GRM7: variants seen among roughly 807,000 people sequenced by gnomAD.
GRM7 encodes glutamate metabotropic receptor 7, also known as metabotropic glutamate receptor 7.
In GRM7, 35 loss-of-function variants were observed where a neutral mutation model predicts 84.5. The ratio of observed to expected loss-of-function variants is 0.41; its 90% CI spans 0.32 to 0.55. GRM7 has a LOEUF of 0.55. Ranked by LOEUF, GRM7 falls within the 20% of genes least tolerant of loss-of-function variation. The pLI is 0.19. For synonymous variants in GRM7, 487 were observed against 455.1 expected (o/e 1.07, Z -0.89); for missense variants, 1,003 against 1,194.6 (o/e 0.84, Z 2.36).
intron 8 of GRM7, among the ~76,000 whole-genome samples, chr3:7,602,611 C>T (rs1378714310): frequency 6.6e-6 from 1 of 152,132 alleles, no homozygotes; most frequent in East Asian, 1.9e-4. Context: ...ATTAGCCTTC[C>T]ATTGATTTCC....
chr3:7,543,293 A>G (rs1692985941), intron 7 of GRM7, among the ~76,000 whole-genome samples: 2 of 152,218 alleles, frequency 1.3e-5, no homozygotes, highest in Admixed American at 1.3e-4. Context: ...CACAGTACCA[A>G]TTTGGCTCAG....
chr3:7,723,719 G>A lies in GRM7; in HGVS notation c.2699-16638G>A, dbSNP rs148139848. Among the ~76,000 whole-genome samples the A allele has an allele frequency of 7.9e-5, 12 of 152,076 alleles. No individual in the cohort carries two copies. The South Asian group carries it at 1.3e-3, about 16-fold the overall frequency. Reference sequence around the variant, plus strand: ...TTAAAAATGAGTCAGGCATGGTGGCGTGCACCTGTAGTCCCAGCTATTTGG... The same window carrying A: ...TTAAAAATGAGTCAGGCATGGTGGCATGCACCTGTAGTCCCAGCTATTTGG... On this transcript the variant is annotated intron_variant, in intron 9 of 9. Transcript: ENST00000357716.
intron 1 of GRM7, among the ~76,000 whole-genome samples, chr3:7,053,125 G>T (rs1261354211): frequency 3.4e-5 from 5 of 146,576 alleles, no homozygotes; most frequent in Middle Eastern, 3.7e-3. Context: ...ATATTTCATT[G>T]TCATTTTAAT....
chr3:7,124,521 G>A (rs1693334159), intron 1 of GRM7, among the ~76,000 whole-genome samples: 2 of 152,042 alleles, frequency 1.3e-5, no homozygotes, highest in Admixed American at 6.6e-5. Context: ...TCACTTAGGT[G>A]GTGGGGATGA....
chr3:7,167,837 CA>C (rs1391103386), intron 2 of GRM7, among the ~76,000 whole-genome samples: 1 of 151,838 alleles, frequency 6.6e-6, no homozygotes, highest in Non-Finnish European at 1.5e-5. Flanking sequence ...GGCGTGGTGG[CA>C]GGCACCTGTA....
In GRM7 at chr3:7,691,368, GCTAT is replaced by G. The variant is rs1416332604; in HGVS notation, c.2698+11076_2698+11079del. ...AAGTATTGGTTATAACCTGGCATGT[GCTAT>G]CTTTTTCTCTGGTCAAGAAAAAGAA... On this transcript the variant is annotated intron_variant, in intron 9 of 9. Coordinates refer to ENST00000357716, the MANE Select transcript of GRM7 (RefSeq NM_000844.4). 4 of 698,640 alleles carry G rather than the reference GCTAT, an allele frequency of 5.7e-6. No homozygotes were observed. In the East Asian group the frequency reaches 2.1e-4, roughly 37 times the overall value. The allele number at this position is 698,640 out of a possible 1,614,324, so 43.3% of individuals were successfully genotyped here.
At chr3:6,911,157 G>C (rs1696755486) in intron 1 of GRM7, among the ~76,000 whole-genome samples, 1 of 152,094 alleles carries the variant, frequency 6.6e-6, no homozygotes, top group Non-Finnish European at 1.5e-5. Context: ...TTATGAGAAA[G>C]TACCTTCTAT....
chr3:7,438,216 A>G (rs73810650), intron 5 of GRM7, among the ~76,000 whole-genome samples: 174 of 152,112 alleles, frequency 1.1e-3, no homozygotes, highest in African/African-American at 4.1e-3. Context: ...ACATTGTGAG[A>G]CCAGTGAGGA....
At chr3:7,669,747 G>A (rs1423191512) in intron 8 of GRM7, among the ~76,000 whole-genome samples, 1 of 152,146 alleles carries the variant, frequency 6.6e-6, no homozygotes, top group Non-Finnish European at 1.5e-5. Context: ...AATGGGTCTT[G>A]GGAAGGCAAG....
At chr3:7,104,259 T>C (rs1419558771) in intron 1 of GRM7, among the ~76,000 whole-genome samples, 2 of 151,618 alleles carry the variant, frequency 1.3e-5, no homozygotes, top group African/African-American at 4.8e-5. Flanking sequence ...CTGCTCTCTT[T>C]TATGTGAGGA....
At chr3:7,439,312 T>G (rs1297785936) in intron 5 of GRM7, among the ~76,000 whole-genome samples, 1 of 152,198 alleles carries the variant, frequency 6.6e-6, no homozygotes, top group Non-Finnish European at 1.5e-5. Context: ...ATTTACTGTC[T>G]GGAATCAAAG....
At position 6,861,625 on chromosome 3, in the gene GRM7, G is replaced by T; in HGVS notation, c.237G>T (p.Leu79=). 1 of 1,613,442 alleles carries T rather than the reference G, an allele frequency of 6.2e-7. No homozygotes were observed. Among genetic ancestry groups the T allele is most frequent in the Non-Finnish European group, 8.5e-7 (1 of 1,179,798 alleles). Residue 79 remains leucine (L), a synonymous_variant, in exon 1 of 10, where the codon CTG becomes CTT. Transcript: ENST00000357716. The surrounding 1 kb of genome is among the most constrained non-coding windows in gnomAD (Gnocchi z 6.4). The part of the protein sequence containing the change: ...DIKRENGIHR[L]EAMLYALDQI... ...AGAGGGAAAACGGGATCCACAGGCTGGAAGCGATGCTCTACGCCCTGGACC... is the reference window on the plus strand; with the variant it reads ...AGAGGGAAAACGGGATCCACAGGCTTGAAGCGATGCTCTACGCCCTGGACC...
chr3:7,457,942 A>C (rs1462422522), intron 6 of GRM7, among the ~76,000 whole-genome samples: 1 of 152,206 alleles, frequency 6.6e-6, no homozygotes, highest in Non-Finnish European at 1.5e-5. Context: ...CTCTGACCAA[A>C]TTACAAAATA....
chr3:7,405,569 T>A (rs712772), intron 4 of GRM7, among the ~76,000 whole-genome samples: 1 of 152,052 alleles, frequency 6.6e-6, no homozygotes, highest in African/African-American at 2.4e-5. Flanking sequence ...CGGATAGTTA[T>A]AAATAATAGA....
intron 1 of GRM7, among the ~76,000 whole-genome samples, chr3:7,142,057 T>C (rs1008597215): frequency 6.6e-6 from 1 of 152,140 alleles, no homozygotes; most frequent in Non-Finnish European, 1.5e-5. Flanking sequence ...CTGAGGATTT[T>C]GTTTTGACTT....
intron 2 of GRM7, among the ~76,000 whole-genome samples, chr3:7,192,535 A>G (rs1695743015): frequency 6.6e-6 from 1 of 152,112 alleles, no homozygotes; most frequent in Admixed American, 6.6e-5. Context: ...TTTAAAAAAT[A>G]TGGCATTGCC....
At chr3:7,019,780 C>T (rs1695711098) in intron 1 of GRM7, among the ~76,000 whole-genome samples, 1 of 152,124 alleles carries the variant, frequency 6.6e-6, no homozygotes, top group Admixed American at 6.5e-5. Flanking sequence ...AATAAAATCT[C>T]CCTTTCAACA....
chr3:6,955,802 A>G (rs1693021904), intron 1 of GRM7, among the ~76,000 whole-genome samples: 1 of 151,114 alleles, frequency 6.6e-6, no homozygotes, highest in Non-Finnish European at 1.5e-5. Flanking sequence ...AGATCATGCC[A>G]CTGCACTCCA....
chr3:7,665,190 G>C (rs1417521794), intron 8 of GRM7, among the ~76,000 whole-genome samples: 1 of 49,404 alleles, frequency 2.0e-5, no homozygotes, highest in African/African-American at 7.2e-5. Flanking sequence ...TTTTTTTTTT[G>C]AGACGGAGTC....
Sources: allele counts gnomAD v4.1 joint callset (sites outside exome capture counted in the v4.1 genomes callset), GRCh38; gene constraint gnomAD v4.1.1; non-coding constraint Gnocchi (gnomAD v3.1); transcripts MANE v1.5; gene names NCBI Gene and HGNC (gene_info 2026-07-23, HGNC 2026-07-21).